Variants in GALNT17 observed in about 807,000 individuals in gnomAD.
The protein encoded by GALNT17 is UDP-GalNAc:polypeptide N-acetylgalactosaminyltransferase-like 3.
In GALNT17, 29 loss-of-function variants were observed where a neutral mutation model predicts 63.7. That is an observed-to-expected ratio of 0.46 (90% CI 0.34 to 0.62). The LOEUF (loss-of-function observed/expected upper bound fraction) is 0.62. GALNT17 is among the 20% of genes least tolerant of loss of function. The pLI, the probability that GALNT17 is intolerant of heterozygous loss-of-function variation, is 0.01. For missense variants in GALNT17, 603 were observed against 799.6 expected, an observed-to-expected ratio of 0.75 and a Z score of 2.97; for synonymous variants, 305 against 318.3, an observed-to-expected ratio of 0.96 and a Z score of 0.45.
In GALNT17 at chr7:71,191,173, T is replaced by C. The variant is rs1788945629; in HGVS notation, c.238+58133T>C. Among the ~76,000 whole-genome samples the C allele has an allele frequency of 3.3e-5, 5 of 152,182 alleles. No individual in the cohort carries two copies. In the South Asian group the frequency reaches 1.0e-3, roughly 31 times the overall value. On this transcript the variant is annotated intron_variant, in intron 1 of 10. Transcript: ENST00000333538. The stretch of plus-strand genomic sequence containing the variant: ...CAGTCTACCAATACATAATACAATT[T>C]CATCATCTCAGAAATTCTCTTGTAT...
intron 1 of GALNT17, among the ~76,000 whole-genome samples, chr7:71,165,139 TTGGTGGACCA>T (rs142248531): frequency 0.056 from 8,464 of 152,228 alleles, 296 homozygotes; most frequent in Middle Eastern, 0.13. Context: ...TTGCTTCGCA[TTGGTGGACCA>T]TAGCTCAAAA....
chr7:71,223,672 C>G (rs1402547546), intron 1 of GALNT17, among the ~76,000 whole-genome samples: 1 of 152,056 alleles, frequency 6.6e-6, no homozygotes, highest in African/African-American at 2.4e-5. Flanking sequence ...AGCCTGGTAC[C>G]CAATAGTTAC....
chr7:71,177,368 G>A (rs1290428173), intron 1 of GALNT17, among the ~76,000 whole-genome samples: 5 of 152,146 alleles, frequency 3.3e-5, no homozygotes, highest in South Asian at 4.2e-4. Context: ...CTCACTCTTC[G>A]CTTCCCATGT....
chr7:71,667,563 G>T (rs371152407), intron 7 of GALNT17, among the ~76,000 whole-genome samples: 19 of 152,204 alleles, frequency 1.2e-4, no homozygotes, highest in Middle Eastern at 3.4e-3. Flanking sequence ...ATAAAATAAG[G>T]CTGAGAACAG....
intron 1 of GALNT17, among the ~76,000 whole-genome samples, chr7:71,135,416 A>G (rs535259463): frequency 6.6e-6 from 1 of 152,290 alleles, no homozygotes; most frequent in African/African-American, 2.4e-5. Context: ...ACATGAACCC[A>G]CTGAATCTTT....
intron 1 of GALNT17, among the ~76,000 whole-genome samples, chr7:71,321,010 G>T (rs1791596411): frequency 3.9e-5 from 6 of 152,316 alleles, no homozygotes; most frequent in Admixed American, 3.9e-4. Flanking sequence ...AATGCTAGAA[G>T]GAGTGCTTGG....
At chr7:71,561,641 A>G (rs753689840) in intron 5 of GALNT17, among the ~76,000 whole-genome samples, 15 of 152,182 alleles carry the variant, frequency 9.9e-5, no homozygotes, top group Non-Finnish European at 1.8e-4. Flanking sequence ...AACCATCATC[A>G]TGATAGAATT....
At position 71,519,306 on chromosome 7, in the gene GALNT17, A is replaced by G. The variant is rs561246932; in HGVS notation, c.963-51979A>G. ...GCAGCAGTATTCATTAATTCATCCA[A>G]TCATTCATTTATTGAACACTTATTT... On this transcript the variant is annotated intron_variant, in intron 5 of 10. Coordinates refer to ENST00000333538, the MANE Select transcript of GALNT17 (RefSeq NM_022479.3). Among the ~76,000 whole-genome samples the G allele has an allele frequency of 6.7e-4, 102 of 152,256 alleles. 1 individual carries two copies. Among genetic ancestry groups the G allele is most frequent in the African/African-American group, 2.3e-3 (97 of 41,540 alleles).
At chr7:71,253,410 G>C (rs930522532) in intron 1 of GALNT17, among the ~76,000 whole-genome samples, 2 of 152,048 alleles carry the variant, frequency 1.3e-5, no homozygotes, top group Admixed American at 6.6e-5. Context: ...CCCATGATTC[G>C]ATGATCTCCC....
At chr7:71,153,951 AAAT>A (rs147432257) in intron 1 of GALNT17, among the ~76,000 whole-genome samples, 34,344 of 136,680 alleles carry the variant, frequency 0.25, 4,127 homozygotes, top group Middle Eastern at 0.31. Flanking sequence ...AAAAATAAAA[AAAT>A]AAAAATGTAT....
intron 1 of GALNT17, among the ~76,000 whole-genome samples, chr7:71,219,326 A>G (rs1042885673): frequency 1.1e-4 from 17 of 152,126 alleles, no homozygotes; most frequent in African/African-American, 3.9e-4. Context: ...GCCTTTACCA[A>G]TATGTGTATC....
At chr7:71,604,539 G>C (rs755478658) in intron 6 of GALNT17, among the ~76,000 whole-genome samples, 12 of 152,210 alleles carry the variant, frequency 7.9e-5, no homozygotes, top group Non-Finnish European at 1.6e-4. Flanking sequence ...TCACAGGCAA[G>C]GAAGCTGAGT....
At chr7:71,630,867 G>A (rs572009457) in intron 6 of GALNT17, among the ~76,000 whole-genome samples, 113 of 152,242 alleles carry the variant, frequency 7.4e-4, no homozygotes, top group Non-Finnish European at 1.4e-3. Flanking sequence ...AAGCAAATTT[G>A]AGATAGGCCA....
intron 5 of GALNT17, among the ~76,000 whole-genome samples, chr7:71,556,858 G>C (rs574878582): frequency 1.6e-4 from 25 of 152,100 alleles, no homozygotes; most frequent in Admixed American, 1.1e-3. Flanking sequence ...AAGCCACTGC[G>C]CCTGGCCCCC....
chr7:71,435,269 T>G (rs1036384940), intron 5 of GALNT17, among the ~76,000 whole-genome samples: 5 of 152,220 alleles, frequency 3.3e-5, no homozygotes, highest in Admixed American at 2.6e-4. Flanking sequence ...GACTCCATCT[T>G]CCTTCTAACC....
intron 6 of GALNT17, among the ~76,000 whole-genome samples, chr7:71,635,984 C>G (rs1790524257): frequency 1.3e-5 from 2 of 152,146 alleles, no homozygotes; most frequent in Admixed American, 1.3e-4. Flanking sequence ...GTGCCAACCT[C>G]CTGTCTCATC....
chr7:71,668,079 G>A (rs1791012519), intron 7 of GALNT17, among the ~76,000 whole-genome samples: 1 of 152,144 alleles, frequency 6.6e-6, no homozygotes, highest in Non-Finnish European at 1.5e-5. Context: ...GATTACAGGT[G>A]TGAGCCACTG....
rs571252106 is a variant in GALNT17 at position 71,386,157 on chromosome 7, T to G, written c.423-2078T>G. On this transcript the variant is annotated intron_variant, in intron 2 of 10. Coordinates refer to ENST00000333538, the MANE Select transcript of GALNT17 (RefSeq NM_022479.3). The stretch of plus-strand genomic sequence containing the variant: ...TAGATTTACAGCAGCATGGTAAAAA[T>G]GAGGCTGCTTGATCAATGCATCCCT... Among the ~76,000 whole-genome samples, 3 of 152,310 alleles carry G rather than the reference T, an allele frequency of 2.0e-5. No individual in the cohort carries two copies. The East Asian group carries it at 5.8e-4, about 29-fold the overall frequency.
At chr7:71,617,046 TATTA>T (rs1790221022) in intron 6 of GALNT17, among the ~76,000 whole-genome samples, 1 of 147,122 alleles carries the variant, frequency 6.8e-6, no homozygotes, top group African/African-American at 2.5e-5. Context: ...TATATAAATA[TATTA>T]ATTATGCCAC....
Sources: allele counts gnomAD v4.1 joint callset (sites outside exome capture counted in the v4.1 genomes callset), GRCh38; gene constraint gnomAD v4.1.1; transcripts MANE v1.5; gene names NCBI Gene and HGNC (gene_info 2026-07-23, HGNC 2026-07-21).